The following TNR variants were observed in gnomAD, a reference collection of about 807,000 sequenced individuals.
TNR encodes tenascin-R.
TNR carries 45 observed loss-of-function variants against 150.4 expected under a neutral mutation model. The observed-to-expected ratio is 0.30, with a 90% CI of 0.24 to 0.38. The LOEUF (loss-of-function observed/expected upper bound fraction) is 0.38. Ranked by LOEUF, TNR falls within the 10% of genes least tolerant of loss-of-function variation. The pLI is 1.00. For synonymous variants in TNR, 687 were observed against 678.4 expected (o/e 1.01, Z -0.20); for missense variants, 1,544 against 1,759.1 (o/e 0.88, Z 2.19).
chr1:175,518,930 C>T (rs1171065238), intron 2 of TNR, among the ~76,000 whole-genome samples: 1 of 152,182 alleles, frequency 6.6e-6, no homozygotes, highest in Non-Finnish European at 1.5e-5. Flanking sequence ...AGAACCTGGC[C>T]ACCTTTGATA....
Position 175,612,433 on chromosome 1 carries a change from G to T in TNR, c.-164-84064C>A, listed in dbSNP as rs114615129. On this transcript the variant is annotated intron_variant, in intron 1 of 22. Coordinates refer to ENST00000367674, the MANE Select transcript of TNR (RefSeq NM_003285.3). ...TTCCTCTTGTTGCAGAGGAAATTCA[G>T]GTTGTGGGCAATGACCTTCTATTTC... 8.2e-3 allele frequency among the ~76,000 whole-genome samples: 1,243 copies of T among 152,284 alleles called. 14 individuals are homozygous for T. The highest frequency in any genetic ancestry group is 0.028 in the African/African-American group (1,170 of 41,546).
At chr1:175,558,166 A>C (rs1047200791) in intron 1 of TNR, among the ~76,000 whole-genome samples, 3 of 137,544 alleles carry the variant, frequency 2.2e-5, no homozygotes, top group African/African-American at 8.2e-5. Context: ...AGATATACCT[A>C]ATGCTAGATG....
At chr1:175,550,292 A>T (rs1041533798) in intron 1 of TNR, among the ~76,000 whole-genome samples, 1 of 152,142 alleles carries the variant, frequency 6.6e-6, no homozygotes, top group Non-Finnish European at 1.5e-5. Flanking sequence ...TGGACTCCCT[A>T]GAGTCCCCTC....
At chr1:175,697,731 A>T (rs760332925) in intron 1 of TNR, among the ~76,000 whole-genome samples, 9 of 152,256 alleles carry the variant, frequency 5.9e-5, no homozygotes, top group Non-Finnish European at 1.2e-4. Flanking sequence ...GGGAGGGCAC[A>T]GGGGGACTTG....
At chr1:175,574,450 C>T (rs1662020986) in intron 1 of TNR, among the ~76,000 whole-genome samples, 2 of 152,084 alleles carry the variant, frequency 1.3e-5, no homozygotes, top group African/African-American at 4.8e-5. Context: ...ACACCATTTC[C>T]TCAGGTCTTT....
intron 1 of TNR, among the ~76,000 whole-genome samples, chr1:175,685,021 G>T (rs1249876646): frequency 1.3e-5 from 2 of 151,820 alleles, no homozygotes; most frequent in Non-Finnish European, 2.9e-5. Context: ...TTCATCAAGG[G>T]GGCTTGGTTC....
chr1:175,484,284 C>T (rs1200591849), intron 2 of TNR, among the ~76,000 whole-genome samples: 2 of 152,218 alleles, frequency 1.3e-5, no homozygotes, highest in African/African-American at 4.8e-5. Context: ...TCTCCCACCC[C>T]ACATATTTTT....
chr1:175,709,631 G>A (rs1382788174), intron 1 of TNR, among the ~76,000 whole-genome samples: 1 of 152,152 alleles, frequency 6.6e-6, no homozygotes, highest in African/African-American at 2.4e-5. Flanking sequence ...CCCCTAACAG[G>A]CCAAACAATT....
intron 2 of TNR, among the ~76,000 whole-genome samples, chr1:175,426,260 T>G (rs1384727827): frequency 6.6e-6 from 1 of 152,172 alleles, no homozygotes; most frequent in East Asian, 1.9e-4. Flanking sequence ...TGGATAATAT[T>G]AGCAACATGA....
chr1:175,708,793 G>A (rs1255721787), intron 1 of TNR, among the ~76,000 whole-genome samples: 1 of 152,176 alleles, frequency 6.6e-6, no homozygotes, highest in Non-Finnish European at 1.5e-5. Context: ...TGGAGTCTGA[G>A]TCCATTTTGG....
intron 2 of TNR, among the ~76,000 whole-genome samples, chr1:175,508,784 C>G (rs1289674171): frequency 6.6e-6 from 1 of 152,246 alleles, no homozygotes; most frequent in Non-Finnish European, 1.5e-5. Context: ...AGATTCCTGG[C>G]CCTCAGAAAC....
At chr1:175,519,462 C>G (rs1659548415) in intron 2 of TNR, among the ~76,000 whole-genome samples, 2 of 152,302 alleles carry the variant, frequency 1.3e-5, no homozygotes, top group South Asian at 4.1e-4. Context: ...CACCATGCTT[C>G]CTTTATCTTT....
Position 175,393,843 on chromosome 1 carries a change from C to T in TNR, c.1293G>A (p.Val431=), listed in dbSNP as rs758405125. 2 of 1,614,104 alleles carry T rather than the reference C, an allele frequency of 1.2e-6. No individual in the cohort carries two copies. The highest frequency in any genetic ancestry group is 1.7e-6 in the Non-Finnish European group (2 of 1,180,036). ...ATGAGAAGGGCTCCCACTGCACCTC[C>T]ACGGTGGTCTCTGTGATCGTCTTAA... ...LQFKTITETT[V]EVQWEPFSFS... is the part of the protein sequence containing the mutation. The change falls in exon 6 of 23, where the codon GTG becomes GTA. Residue 431 remains valine, a synonymous_variant. Transcript: ENST00000367674.
chr1:175,696,222 T>TG, intron 1 of TNR, among the ~76,000 whole-genome samples: 1 of 50,602 alleles, frequency 2.0e-5, no homozygotes, highest in African/African-American at 7.3e-5. Flanking sequence ...CTGTAGTTTT[T>TG]TTTTTTTTTT....
At chr1:175,550,238 A>C (rs1190038894) in intron 1 of TNR, among the ~76,000 whole-genome samples, 1 of 152,212 alleles carries the variant, frequency 6.6e-6, no homozygotes, top group African/African-American at 2.4e-5. Context: ...TGCACATGAC[A>C]CTGCAAACCG....
intron 6 of TNR, among the ~76,000 whole-genome samples, chr1:175,392,964 G>T (rs1366035996): frequency 2.0e-5 from 3 of 152,208 alleles, no homozygotes; most frequent in African/African-American, 7.2e-5. Context: ...AGCCAAAAAT[G>T]TGTCATTTGT....
intron 1 of TNR, among the ~76,000 whole-genome samples, chr1:175,592,906 T>G (rs932084439): frequency 6.6e-6 from 1 of 152,228 alleles, no homozygotes; most frequent in African/African-American, 2.4e-5. Flanking sequence ...AAGAAATTCT[T>G]CAAGGGCAAA....
At chr1:175,670,866 G>T (rs1312741031) in intron 1 of TNR, among the ~76,000 whole-genome samples, 2 of 152,178 alleles carry the variant, frequency 1.3e-5, no homozygotes, top group Non-Finnish European at 2.9e-5. Context: ...TGAAATCCAT[G>T]GGGAGCCAGT....
At chr1:175,442,021 G>T (rs907718648) in intron 2 of TNR, among the ~76,000 whole-genome samples, 2 of 152,178 alleles carry the variant, frequency 1.3e-5, no homozygotes, top group African/African-American at 4.8e-5. Context: ...AGGGGGAAAA[G>T]CTGGCATCTG....
Sources: gnomAD v4.1 joint callset for allele counts (sites outside exome capture counted in the v4.1 genomes callset) on GRCh38, gnomAD v4.1.1 for gene constraint, MANE v1.5 for transcripts, NCBI Gene and HGNC (gene_info 2026-07-23, HGNC 2026-07-21) for gene names.